FAT1: variants seen among roughly 807,000 people sequenced by gnomAD.
FAT1 encodes protocadherin Fat 1.
A neutral mutation model predicts 329.8 loss-of-function variants in FAT1; 171 were observed. That is an observed-to-expected ratio of 0.52 (90% CI 0.46 to 0.59). The LOEUF (loss-of-function observed/expected upper bound fraction) is 0.59. Ranked by LOEUF, FAT1 falls within the 20% of genes least tolerant of loss-of-function variation. The pLI is 0.00. For missense variants in FAT1, 5,672 were observed against 5,774.4 expected (o/e 0.98, Z 0.57); for synonymous variants, 2,233 against 2,228.6 (o/e 1.00, Z -0.06).
intron 2 of FAT1, among the ~76,000 whole-genome samples, chr4:186,666,555 T>C (rs1444054895): frequency 2.0e-5 from 3 of 152,240 alleles, no homozygotes; most frequent in African/African-American, 7.2e-5. Flanking sequence ...GAAGTATTAT[T>C]AGAAAATCTC....
intron 2 of FAT1, among the ~76,000 whole-genome samples, chr4:186,705,349 T>G (rs1035943478): frequency 1.3e-5 from 2 of 152,158 alleles, no homozygotes; most frequent in Middle Eastern, 3.2e-3. Flanking sequence ...TCTTGTTTTT[T>G]TGTGTGTGTG....
At position 186,663,382 on chromosome 4, in the gene FAT1, G is replaced by C. The variant is rs1742272443; in HGVS notation, c.3497C>G (p.Pro1166Arg). 4 of 1,613,964 alleles carry C rather than the reference G, an allele frequency of 2.5e-6. No individual in the cohort carries two copies. In the East Asian group the frequency reaches 8.9e-5, roughly 36 times the overall value. Reference protein sequence around the residue: ...VSVVQIEAFDPDSSSNDKLMY... With the variant: ...VSVVQIEAFDRDSSSNDKLMY... ...GAGCTTGTCATTAGAGCTCGAATCTGGATCAAATGCCTCGATCTGGACCAC... is the reference window on the plus strand; with the variant it reads ...GAGCTTGTCATTAGAGCTCGAATCTCGATCAAATGCCTCGATCTGGACCAC... Residue 1166 changes from proline to arginine, a missense_variant, in exon 3 of 27, where the codon CCA becomes CGA. Transcript: ENST00000441802.
At chr4:186,628,444 G>T (rs1437114355) in intron 8 of FAT1, 44 bp downstream of exon 8, 3 of 1,611,690 alleles carry the variant, frequency 1.9e-6, no homozygotes, top group East Asian at 4.5e-5. Context: ...ACACACAAAG[G>T]CCTCAGGACC....
At chr4:186,636,550 A>T (rs2126562277) in intron 5 of FAT1, 35 bp downstream of exon 5, 1 of 1,532,174 alleles carries the variant, frequency 6.5e-7, no homozygotes. Flanking sequence ...TAGTCACAAC[A>T]TATGAAAAAT....
intron 2 of FAT1, among the ~76,000 whole-genome samples, chr4:186,705,519 C>T (rs1365472596): frequency 6.6e-6 from 1 of 152,172 alleles, no homozygotes; most frequent in Non-Finnish European, 1.5e-5. Context: ...CACTATCATT[C>T]TCAGAGGGCA....
chr4:186,696,351 A>G (rs1021846600), intron 2 of FAT1, among the ~76,000 whole-genome samples: 1 of 152,216 alleles, frequency 6.6e-6, no homozygotes, highest in African/African-American at 2.4e-5. Flanking sequence ...TGTTGCCTCA[A>G]CCAACAGACT....
chr4:186,681,680 G>A (rs895353620), intron 2 of FAT1, among the ~76,000 whole-genome samples: 5 of 152,240 alleles, frequency 3.3e-5, no homozygotes, highest in South Asian at 4.1e-4. Flanking sequence ...AACTGACAGC[G>A]TAAAGCATTT....
At position 186,636,215 on chromosome 4, in the gene FAT1, A is replaced by G. The variant is rs781000985; in HGVS notation, c.3993T>C (p.Gly1331=). 1 of 1,613,892 alleles carries G rather than the reference A, an allele frequency of 6.2e-7. No homozygotes were observed. The highest frequency in any genetic ancestry group is 1.3e-5 in the African/African-American group (1 of 74,942). ...TGGTGGTTGATGACTTTTGAGGGCG[A>G]CCATTGTCAACTGCCTTAATCTACA... ...DILSIKAVDN[G]RPQKSSTTRL... is the part of the protein sequence containing the mutation. The change falls in exon 6 of 27, where the codon GGT becomes GGC. Residue 1331 remains glycine, a synonymous_variant. Transcript: ENST00000441802.
At position 186,598,073 on chromosome 4, in the gene FAT1, G is replaced by A. The variant is rs750552688; in HGVS notation, c.12156C>T (p.Ser4052=). ...ALYIGTHCEI[S]VNPCSSKPCL... is the part of the protein sequence containing the mutation. ...ATGGCTTGGAGGAACACGGATTGAC[G>A]CTTATCTCACAGTGGGTCCCTATGT... is the stretch of plus-strand genomic sequence containing the variant. The change falls in exon 23 of 27, where the codon AGC becomes AGT. Residue 4052 remains serine, a synonymous_variant. Transcript: ENST00000441802. 11 of 1,613,696 alleles carry A rather than the reference G, an allele frequency of 6.8e-6. No individual in the cohort carries two copies. The highest frequency in any genetic ancestry group is 3.3e-5 in the South Asian group (3 of 91,034).
In FAT1 at chr4:186,597,151, T is replaced by C. The variant is rs2126395771; in HGVS notation, c.12389A>G (p.Glu4130Gly). The stretch of plus-strand genomic sequence containing the variant: ...GTGCAGGCAAGGGTTTCCAGAGCAC[T>C]CGTCGATATCACTCTGACACCTGCC... ...RGERCQSDID[E>G]CSGNPCLHGA... The change falls in exon 25 of 27, where the codon GAG (glutamate) becomes GGG (glycine). Residue 4130 changes from glutamate (E) to glycine (G), a missense_variant. By Grantham distance (98) the Glu-to-Gly change is moderately conservative. Coordinates refer to ENST00000441802, the MANE Select transcript of FAT1 (RefSeq NM_005245.4). The C allele has an allele frequency of 6.2e-7, 1 of 1,609,910 alleles. No individual in the cohort carries two copies. Among genetic ancestry groups the C allele is most frequent in the Non-Finnish European group, 8.5e-7 (1 of 1,177,788 alleles).
At position 186,609,381 on chromosome 4, in the gene FAT1, A is replaced by G. The variant is rs1739289266; in HGVS notation, c.10069-61T>C. On this transcript the variant is annotated intron_variant, in intron 15 of 26. Coordinates refer to ENST00000441802, the MANE Select transcript of FAT1 (RefSeq NM_005245.4). ...AAGAAGAGGCCTAAACCTATTACAC[A>G]AAATTTGTGATATTAATAGCTTAGC... 5 of 1,543,674 alleles carry G rather than the reference A, an allele frequency of 3.2e-6. No individual in the cohort carries two copies. In the South Asian group the frequency reaches 6.1e-5, roughly 19 times the overall value.
rs377350329 is a variant in FAT1, at chr4:186,595,751, C to T, written c.13076G>A (p.Arg4359Gln). The T allele has an allele frequency of 4.3e-5, 70 of 1,613,930 alleles. No individual in the cohort carries two copies. The East Asian group carries it at 4.9e-4, about 11-fold the overall frequency. The change falls in exon 26 of 27, where the codon CGG becomes CAG. Residue 4359 changes from arginine (R) to glutamine (Q), a missense_variant. This residue lies in a region of FAT1 where 1,706 missense variants were observed against 1,859.1 expected (regional missense o/e 0.92). Coordinates refer to ENST00000441802, the MANE Select transcript of FAT1 (RefSeq NM_005245.4). ...AGACTGCACTTCAGACAGGCTTTCC[C>T]GGGCACTGTATGGCTGGGAAGGCTT... ...EEKPSQPYSARESLSEVQSLS... is the reference protein window; with the variant it reads ...EEKPSQPYSAQESLSEVQSLS...
chr4:186,591,326 T>C (rs1738229831), intron 26 of FAT1, among the ~76,000 whole-genome samples: 1 of 152,152 alleles, frequency 6.6e-6, no homozygotes, highest in East Asian at 1.9e-4. Flanking sequence ...GGGACAAATA[T>C]TTGATTGATA....
At chr4:186,704,685 T>A (rs1384677221) in intron 2 of FAT1, among the ~76,000 whole-genome samples, 1 of 152,224 alleles carries the variant, frequency 6.6e-6, no homozygotes, top group Non-Finnish European at 1.5e-5. Flanking sequence ...TTTTTCTATG[T>A]TGAAACAGTA....
intron 2 of FAT1, among the ~76,000 whole-genome samples, chr4:186,692,355 C>T (rs988633034): frequency 2.6e-5 from 4 of 152,168 alleles, no homozygotes; most frequent in African/African-American, 9.6e-5. Context: ...CTCTGTCGCC[C>T]AGGCTGGAGT....
At chr4:186,589,579 G>A (rs1258652802) in intron 26 of FAT1, among the ~76,000 whole-genome samples, 1 of 152,128 alleles carries the variant, frequency 6.6e-6, no homozygotes, top group Non-Finnish European at 1.5e-5. Context: ...AGAACCCACT[G>A]CTCTGTAGGA....
At position 186,603,687 on chromosome 4, in the gene FAT1, A is replaced by G. The variant is rs371175709; in HGVS notation, c.10839T>C (p.Asn3613=). ...TGAACTTCCCATCTGTTACGCTGAC[A>G]TTGAGAAGGTATTGCCCTATGTCTA... ...KKLDIGQYLL[N]VSVTDGKFTT... Residue 3613 remains asparagine (N), a synonymous_variant, in exon 19 of 27, where the codon AAT becomes AAC. Transcript: ENST00000441802. 8.1e-6 allele frequency: 13 copies of G among 1,613,876 alleles called. No individual in the cohort carries two copies. The highest frequency in any genetic ancestry group is 5.3e-5 in the African/African-American group (4 of 74,922).
In FAT1 at chr4:186,709,135, C is replaced by T. The variant is rs924342804; in HGVS notation, c.693G>A (p.Leu231=). The T allele has an allele frequency of 1.2e-6, 2 of 1,614,008 alleles. No homozygotes were observed. The highest frequency in any genetic ancestry group is 1.7e-6 in the Non-Finnish European group (2 of 1,179,884). The change falls in exon 2 of 27, where the codon TTG becomes TTA. Residue 231 remains leucine (L), a synonymous_variant. Transcript: ENST00000441802. The stretch of plus-strand genomic sequence containing the variant: ...TGCTGCTGATGCCACTGCTCCCATA[C>T]AACTTCATGCCACGGTCCGCAGCGA... ...EILAADRGMK[L]YGSSGISSMA...
rs771744168 is a variant in FAT1 at position 186,620,441 on chromosome 4, C to T, written c.6145G>A (p.Val2049Met). 8.1e-6 allele frequency: 13 copies of T among 1,613,914 alleles called. No homozygotes were observed. The highest frequency in any genetic ancestry group is 5.3e-5 in the African/African-American group (4 of 74,936). ...TGTTCCTCTGTCACTTCTACAACCA[C>T]ATCAAACGCCTCCTGCTGCTCACGA... ...FDREQQEAFD[V>M]VVEVTEEHKP... Residue 2049 changes from valine to methionine, a missense_variant, in exon 10 of 27, where the codon GTG becomes ATG. Coordinates refer to ENST00000441802, the MANE Select transcript of FAT1 (RefSeq NM_005245.4).
Sources: allele counts gnomAD v4.1 joint callset (sites outside exome capture counted in the v4.1 genomes callset), GRCh38; gene constraint gnomAD v4.1.1; regional missense constraint gnomAD v4.1.1; transcripts MANE v1.5; gene names NCBI Gene and HGNC (gene_info 2026-07-23, HGNC 2026-07-21).